Variants in MYO16 observed in about 807,000 individuals in gnomAD.
MYO16 encodes the protein myosin XVI.
MYO16 carries 94 observed loss-of-function variants against 205.3 expected under a neutral mutation model. That is an observed-to-expected ratio of 0.46 (90% confidence interval 0.39 to 0.54). The LOEUF is 0.54. Among genes scored for constraint, MYO16 ranks in the 20% least tolerant of loss-of-function variants. The pLI is 0.00. For synonymous variants in MYO16, 988 were observed against 954.0 expected (o/e 1.04, Z -0.66); for missense variants, 2,315 against 2,387.5 (o/e 0.97, Z 0.63).
chr13:109,034,773 C>T (rs1886659856), intron 23 of MYO16, among the ~76,000 whole-genome samples: 2 of 152,154 alleles, frequency 1.3e-5, no homozygotes, highest in Non-Finnish European at 1.5e-5. Flanking sequence ...CAAAGGCAAT[C>T]TGAAAATCTA....
At chr13:108,835,170 A>G (rs1240236966) in intron 9 of MYO16, among the ~76,000 whole-genome samples, 1 of 152,160 alleles carries the variant, frequency 6.6e-6, no homozygotes, top group East Asian at 1.9e-4. Flanking sequence ...TATAGTTCCC[A>G]TAATCCCCGC....
chr13:108,568,324 A>C, the MYO16 span, among the ~76,000 whole-genome samples: 2 of 152,160 alleles, frequency 1.3e-5, no homozygotes, highest in Non-Finnish European at 2.9e-5. Context: ...GCAATGCATA[A>C]GTGTTCTAAT....
intron 27 of MYO16, among the ~76,000 whole-genome samples, chr13:109,099,912 TA>T (rs1888903532): frequency 1.3e-5 from 2 of 152,242 alleles, no homozygotes; most frequent in Admixed American, 1.3e-4. Flanking sequence ...ACTAAGGTAT[TA>T]AACAGAAAAT....
upstream of MYO16, among the ~76,000 whole-genome samples, chr13:108,625,998 G>A (rs895766404): frequency 1.3e-5 from 2 of 152,174 alleles, no homozygotes; most frequent in South Asian, 4.1e-4. Flanking sequence ...TTTTGGAGCT[G>A]TGTCTCATGT....
chr13:108,879,069 G>T (rs766680122), intron 12 of MYO16, among the ~76,000 whole-genome samples: 4 of 152,156 alleles, frequency 2.6e-5, no homozygotes, highest in Non-Finnish European at 5.9e-5. Flanking sequence ...ATGCAGGTGG[G>T]TGGTACTCAG....
intron 23 of MYO16, among the ~76,000 whole-genome samples, chr13:109,029,985 A>G (rs1312575378): frequency 6.6e-6 from 1 of 152,276 alleles, no homozygotes; most frequent in Admixed American, 6.5e-5. Flanking sequence ...GCTAGTTGGT[A>G]TATTTTTTCA....
chr13:108,965,669 G>A (rs370841270), intron 20 of MYO16, among the ~76,000 whole-genome samples: 2 of 152,250 alleles, frequency 1.3e-5, no homozygotes, highest in East Asian at 3.9e-4. Context: ...GCCTCCCAAA[G>A]TGCTGGGATT....
rs552810775 is a variant in MYO16 at position 108,739,823 on chromosome 13, C to G, written c.507+12240C>G. Among the ~76,000 whole-genome samples, 10 of 152,288 alleles carry G rather than the reference C, an allele frequency of 6.6e-5. No individual in the cohort carries two copies. In the South Asian group the frequency reaches 1.9e-3, roughly 28 times the overall value. On this transcript the variant is annotated intron_variant, in intron 4 of 34. Coordinates refer to ENST00000457511, the MANE Select transcript of MYO16 (RefSeq NM_001198950.3). ...CACATAGTCCCATATTTCTTGGAGG[C>G]TTTGTTCATTTCTTTTTACACTTTT...
chr13:109,061,168 G>T (rs1158174175), intron 27 of MYO16, among the ~76,000 whole-genome samples: 1 of 152,124 alleles, frequency 6.6e-6, no homozygotes, highest in Non-Finnish European at 1.5e-5. Flanking sequence ...TTAGGCTTTG[G>T]CTTAAGGGAA....
intron 33 of MYO16, among the ~76,000 whole-genome samples, chr13:109,173,975 A>G: frequency 1.4e-5 from 2 of 137,986 alleles, no homozygotes; most frequent in African/African-American, 2.8e-5. Context: ...GCTGTTTTGG[A>G]AAAGTGTACC....
chr13:109,018,792 C>T (rs532430012), intron 22 of MYO16, among the ~76,000 whole-genome samples: 216 of 152,284 alleles, frequency 1.4e-3, no homozygotes, highest in Non-Finnish European at 2.2e-3. Flanking sequence ...ATGCGATGCC[C>T]CGCTCTGCTT....
intron 23 of MYO16, among the ~76,000 whole-genome samples, chr13:109,027,527 G>A (rs1886404305): frequency 6.6e-6 from 1 of 152,144 alleles, no homozygotes. Context: ...AATTCATGTG[G>A]CATAGTGGAA....
chr13:108,644,679 TC>T (rs1298323256), intron 1 of MYO16, among the ~76,000 whole-genome samples: 1 of 152,108 alleles, frequency 6.6e-6, no homozygotes, highest in Non-Finnish European at 1.5e-5. Flanking sequence ...TATCTAACAT[TC>T]CCTTATCTTC....
the MYO16 span, among the ~76,000 whole-genome samples, chr13:108,554,672 A>AC: frequency 6.6e-6 from 1 of 151,910 alleles, no homozygotes; most frequent in African/African-American, 2.4e-5. Context: ...ACACGGTGAA[A>AC]CCCCGTCTCT....
intron 20 of MYO16, among the ~76,000 whole-genome samples, chr13:108,966,857 C>T (rs1221163495): frequency 6.6e-6 from 1 of 152,118 alleles, no homozygotes; most frequent in Non-Finnish European, 1.5e-5. Context: ...TCCTAAGTCA[C>T]AGAAAAGTCT....
At chr13:108,807,998 G>A (rs1186612410) in intron 7 of MYO16, among the ~76,000 whole-genome samples, 3 of 152,104 alleles carry the variant, frequency 2.0e-5, no homozygotes, top group Non-Finnish European at 4.4e-5. Context: ...CATGTTGAGG[G>A]TGACTAAATG....
intron 12 of MYO16, among the ~76,000 whole-genome samples, chr13:108,876,679 T>G (rs1445115112): frequency 6.6e-6 from 1 of 151,828 alleles, no homozygotes; most frequent in African/African-American, 2.4e-5. Context: ...CTTTTTTTTT[T>G]TTTTTGAGAT....
At chr13:108,601,205 C>T (rs2139299774) in intron 1 of MYO16, among the ~76,000 whole-genome samples, 1 of 152,128 alleles carries the variant, frequency 6.6e-6, no homozygotes, top group South Asian at 2.1e-4. Flanking sequence ...TTTAAGCTTT[C>T]AAAAGTAACA....
intron 1 of MYO16, among the ~76,000 whole-genome samples, chr13:108,650,228 T>C (rs186864491): frequency 1.3e-5 from 2 of 152,280 alleles, no homozygotes; most frequent in East Asian, 3.9e-4. Context: ...CACACATACA[T>C]ACATACTTTT....
Sources: allele counts gnomAD v4.1 joint callset (sites outside exome capture counted in the v4.1 genomes callset), GRCh38; gene constraint gnomAD v4.1.1; transcripts MANE v1.5; gene names NCBI Gene and HGNC (gene_info 2026-07-23, HGNC 2026-07-21).